Variants in HDGF observed in about 807,000 individuals in gnomAD.
The protein encoded by HDGF is heparin binding growth factor, also known as hepatoma-derived growth factor.
In HDGF, 5 loss-of-function variants were observed where a neutral mutation model predicts 30.0. The observed-to-expected ratio is 0.17, with a 90% CI of 0.09 to 0.35. The LOEUF is 0.35. HDGF is among the 10% of genes least tolerant of loss of function. The pLI is 1.00. For synonymous variants in HDGF, 133 were observed against 112.7 expected (o/e 1.18, Z -1.14); for missense variants, 214 against 302.8 (o/e 0.71, Z 2.18).
chr1:156,767,132 C>T (rs1235329595), upstream of HDGF, among the ~76,000 whole-genome samples: 1 of 152,178 alleles, frequency 6.6e-6, no homozygotes, highest in Non-Finnish European at 1.5e-5. Flanking sequence ...TTCCTCAATC[C>T]GCCAGCTTCC....
At chr1:156,753,876 T>A (rs542584169), upstream of HDGF, among the ~76,000 whole-genome samples, 3 of 151,422 alleles carry the variant, frequency 2.0e-5, no homozygotes, top group South Asian at 6.3e-4. Flanking sequence ...ACATGCACAG[T>A]TTCAGTGCAA....
Position 156,751,065 on chromosome 1 carries a change from G to C in HDGF, c.87+278C>G, listed in dbSNP as rs1558036651. Among the ~76,000 whole-genome samples the C allele has an allele frequency of 6.6e-6, 1 of 152,132 alleles. No individual in the cohort carries two copies. The highest frequency in any genetic ancestry group is 6.5e-5 in the Admixed American group (1 of 15,284). ...CTGGGGGCGGAACTGAGCACGCGGA[G>C]CTGGGGGCCGGGAAGTGACCGGCGC... is the stretch of plus-strand genomic sequence containing the variant. On this transcript the variant is annotated intron_variant, in intron 1 of 5. Transcript: ENST00000357325. This position sits in a 1 kb window ranked among gnomAD's most constrained non-coding sequence, Gnocchi z 4.7.
Position 156,743,807 on chromosome 1 carries a change from A to G in HDGF, c.561T>C (p.Val187=), listed in dbSNP as rs527285630. ...CCACCTCCATAGGAAGGGGCCTCTC[A>G]ACCTCCAAGGTGGCTGCCTCCTTCT... ...GEEKEAATLE[V]ERPLPMEVEK... Residue 187 remains valine, a synonymous_variant, in exon 5 of 6, where the codon GTT becomes GTC. Transcript: ENST00000357325. The G allele has an allele frequency of 1.6e-5, 26 of 1,610,156 alleles. No individual in the cohort carries two copies. In the Middle Eastern group the frequency reaches 5.0e-4, roughly 31 times the overall value.
upstream of HDGF, among the ~76,000 whole-genome samples, chr1:156,752,976 C>T (rs574189658): frequency 2.0e-5 from 3 of 152,330 alleles, no homozygotes; most frequent in East Asian, 3.9e-4. Context: ...TCCTACCCTG[C>T]TGTTCATCTG....
At position 156,743,831 on chromosome 1, in the gene HDGF, C is replaced by T. The variant is rs78189392; in HGVS notation, c.537G>A (p.Glu179=). The part of the protein sequence containing the change: ...PKEAENPEGE[E]KEAATLEVER... ...CAACCTCCAAGGTGGCTGCCTCCTT[C>T]TCCTCTCCTTCAGGGTTTTCTGCCT... The change falls in exon 5 of 6, where the codon GAG becomes GAA. Residue 179 remains glutamate, a synonymous_variant. Coordinates refer to ENST00000357325, the MANE Select transcript of HDGF (RefSeq NM_004494.3). The T allele has an allele frequency of 7.6e-3, 12,192 of 1,612,696 alleles. 922 individuals carry two copies. The Admixed American group carries it at 0.15, about 20-fold the overall frequency.
upstream of HDGF, among the ~76,000 whole-genome samples, chr1:156,767,077 A>G (rs1486445480): frequency 6.6e-6 from 1 of 152,150 alleles, no homozygotes; most frequent in Non-Finnish European, 1.5e-5. Context: ...GCCGACTGGG[A>G]AGCTTCACCA....
chr1:156,764,816 G>A (rs1651322887), intron 1 of HDGF, among the ~76,000 whole-genome samples: 1 of 151,452 alleles, frequency 6.6e-6, no homozygotes, highest in South Asian at 2.1e-4. Flanking sequence ...AAGCTGGGAG[G>A]TGGAGGTTGC....
chr1:156,754,290 C>T (rs2102734536), upstream of HDGF, among the ~76,000 whole-genome samples: 1 of 152,358 alleles, frequency 6.6e-6, no homozygotes, highest in South Asian at 2.1e-4. Context: ...CCCATTTCTC[C>T]ACTTTGTTGC....
At chr1:156,766,204 C>T (rs1651371929) in intron 1 of HDGF, among the ~76,000 whole-genome samples, 2 of 152,148 alleles carry the variant, frequency 1.3e-5, no homozygotes, top group Admixed American at 1.3e-4. Flanking sequence ...TCAGGCTCGT[C>T]TGATAGAGGA....
At chr1:156,752,027 G>C (rs1277663169), upstream of HDGF, 1 of 1,550,318 alleles carries the variant, frequency 6.5e-7, no homozygotes, top group African/African-American at 1.4e-5. Flanking sequence ...CCGACTCCGC[G>C]GAGCGCTCAC....
rs568877526 is a variant in HDGF at position 156,742,319 on chromosome 1, A to G, written c.*1130T>C. ...CTCTCTGTCCTCTCAGTGGGTTACA[A>G]ATCAGATCTGGTGACAACACTGAGG... On this transcript the variant is annotated 3_prime_UTR_variant, in exon 6 of 6. Transcript: ENST00000357325. 3 of 152,712 alleles carry G rather than the reference A, an allele frequency of 2.0e-5. No individual in the cohort carries two copies. Among genetic ancestry groups the G allele is most frequent in the East Asian group, 3.9e-4 (2 of 5,184 alleles). The allele number at this position is 152,712 out of a possible 1,614,324, so 9.5% of individuals were successfully genotyped here.
rs1209236875 is a variant in HDGF, at chr1:156,765,438, TC to T, written n.136+1351del. On this transcript the variant is annotated intron_variant and non_coding_transcript_variant, in intron 1 of 7. Coordinates refer to the HDGF transcript ENST00000465180. ...CTTTCTTTCTTTCTCTTTCTTTCTT[TC>T]CTTTCTTTCCTTCTTTCCTTCTTTC... is the stretch of plus-strand genomic sequence containing the variant. Among the ~76,000 whole-genome samples the T allele has an allele frequency of 3.5e-4, 35 of 99,760 alleles. No individual in the cohort carries two copies. The East Asian group carries it at 4.6e-3, about 13-fold the overall frequency. 65.4% of individuals were successfully genotyped at this position (99,760 alleles called of 152,430 possible). A position where few individuals can be genotyped will look rare whatever the true frequency, so the allele number is the denominator to read the frequency against.
At chr1:156,757,729 G>T (rs1422393453) in intron 2 of HDGF, among the ~76,000 whole-genome samples, 2 of 150,492 alleles carry the variant, frequency 1.3e-5, no homozygotes, top group Admixed American at 6.6e-5. Context: ...GGAGGCAGAG[G>T]TTGCAACGAG....
chr1:156,744,147 G>A lies in HDGF; in HGVS notation c.489+16C>T. 3 of 1,612,742 alleles carry A rather than the reference G, an allele frequency of 1.9e-6. No homozygotes were observed. The highest frequency in any genetic ancestry group is 2.5e-6 in the Non-Finnish European group (3 of 1,178,768). ...AATGTTGAGGGGGGCCCAGGCCCTGGGCAGGCAGCAGTTACCTCCAGCAAG... is the reference window on the plus strand; with the variant it reads ...AATGTTGAGGGGGGCCCAGGCCCTGAGCAGGCAGCAGTTACCTCCAGCAAG... On this transcript the variant is annotated intron_variant, in intron 4 of 5. Coordinates refer to ENST00000357325, the MANE Select transcript of HDGF (RefSeq NM_004494.3).
chr1:156,763,591 T>C (rs1006085501), intron 1 of HDGF, among the ~76,000 whole-genome samples: 1 of 150,516 alleles, frequency 6.6e-6, no homozygotes, highest in Non-Finnish European at 1.5e-5. Flanking sequence ...CAAATTTCTT[T>C]TTTTTTTTTT....
At chr1:156,746,203 T>G (rs1390287468) in intron 1 of HDGF, among the ~76,000 whole-genome samples, 1 of 152,258 alleles carries the variant, frequency 6.6e-6, no homozygotes, top group East Asian at 1.9e-4. Context: ...AATTTTACAC[T>G]GATTCACATT....
chr1:156,761,803 C>T (rs1433531328), intron 1 of HDGF, among the ~76,000 whole-genome samples: 6 of 151,242 alleles, frequency 4.0e-5, no homozygotes, highest in Non-Finnish European at 5.9e-5. Flanking sequence ...AAAAATTAGC[C>T]GGGCGTGGTG....
At chr1:156,745,657 A>C (rs1261271142) in intron 1 of HDGF, among the ~76,000 whole-genome samples, 2 of 152,146 alleles carry the variant, frequency 1.3e-5, no homozygotes, top group Admixed American at 6.5e-5. Flanking sequence ...TGACTTTGCC[A>C]TCACCTTCTC....
In HDGF at chr1:156,742,774, T is replaced by C. The variant is rs1488110706; in HGVS notation, c.*675A>G. On this transcript the variant is annotated 3_prime_UTR_variant, in exon 6 of 6. Transcript: ENST00000357325. Reference sequence around the variant, plus strand: ...TCTCAGGTCCTTGGCCCGAACAACTTGGAAGCCCCAAATTCTCTTGATGAT... The same window carrying C: ...TCTCAGGTCCTTGGCCCGAACAACTCGGAAGCCCCAAATTCTCTTGATGAT... The C allele has an allele frequency of 5.2e-5, 8 of 154,690 alleles. No homozygotes were observed. The highest frequency in any genetic ancestry group is 2.6e-4 in the Admixed American group (4 of 15,272). 9.6% of individuals were successfully genotyped at this position (154,690 alleles called of 1,614,324 possible). A position where few individuals can be genotyped will look rare whatever the true frequency, so the allele number is the denominator to read the frequency against.
Sources: allele counts gnomAD v4.1 joint callset (sites outside exome capture counted in the v4.1 genomes callset), GRCh38; gene constraint gnomAD v4.1.1; non-coding constraint Gnocchi (gnomAD v3.1); transcripts MANE v1.5; gene names NCBI Gene and HGNC (gene_info 2026-07-23, HGNC 2026-07-21).